SPIDR: variants seen among roughly 807,000 people sequenced by gnomAD.
SPIDR encodes DNA repair-scaffolding protein.
In SPIDR, 93 loss-of-function variants were observed where a neutral mutation model predicts 104.6. That is an observed-to-expected ratio of 0.89 (90% CI 0.75 to 1.06). The LOEUF (loss-of-function observed/expected upper bound fraction) is 1.06. SPIDR is among the 50% of genes least tolerant of loss of function. SPIDR has a pLI of 0.00. For missense variants in SPIDR, 1,154 were observed against 1,111.2 expected (o/e 1.04, Z -0.55); for synonymous variants, 431 against 416.9 (o/e 1.03, Z -0.41).
chr8:47,304,061 C>T (rs2042714110), intron 5 of SPIDR, among the ~76,000 whole-genome samples: 2 of 152,140 alleles, frequency 1.3e-5, no homozygotes, highest in African/African-American at 4.8e-5. Context: ...ACTTTTTATT[C>T]TTGTCTGGGT....
chr8:47,290,354 A>T (rs1354878783), intron 3 of SPIDR, among the ~76,000 whole-genome samples: 5 of 152,140 alleles, frequency 3.3e-5, no homozygotes, highest in African/African-American at 4.8e-5. Context: ...GGGCCAGGAG[A>T]TGGTGTAGCT....
intron 5 of SPIDR, among the ~76,000 whole-genome samples, chr8:47,349,472 C>G (rs1554620783): frequency 6.6e-6 from 1 of 152,158 alleles, no homozygotes; most frequent in Non-Finnish European, 1.5e-5. Flanking sequence ...ATCTCAAACT[C>G]CATTCTAGGA....
chr8:47,522,000 C>A (rs1257960062), intron 8 of SPIDR, among the ~76,000 whole-genome samples: 2 of 151,300 alleles, frequency 1.3e-5, no homozygotes, highest in Admixed American at 6.6e-5. Flanking sequence ...CCCGTGTCTA[C>A]TAAAAATACA....
At chr8:47,327,895 G>A (rs1350953657) in intron 5 of SPIDR, among the ~76,000 whole-genome samples, 4 of 151,434 alleles carry the variant, frequency 2.6e-5, no homozygotes, top group Admixed American at 6.6e-5. Context: ...ATAGGGTTTC[G>A]CCATGTTGCT....
chr8:47,624,305 C>T (rs2065650341), intron 10 of SPIDR, among the ~76,000 whole-genome samples: 1 of 151,946 alleles, frequency 6.6e-6, no homozygotes, highest in Non-Finnish European at 1.5e-5. Flanking sequence ...AAATTGACAC[C>T]CTAACATCAC....
intron 1 of SPIDR, among the ~76,000 whole-genome samples, chr8:47,264,869 A>G (rs2033555961): frequency 6.6e-6 from 1 of 152,192 alleles, no homozygotes; most frequent in Non-Finnish European, 1.5e-5. Flanking sequence ...ATAAACACTC[A>G]ATAAATGTTG....
intron 8 of SPIDR, chr8:47,510,906 G>C: frequency 3.8e-6 from 2 of 531,494 alleles, no homozygotes; most frequent in Non-Finnish European, 6.7e-6. Flanking sequence ...TAAGAACCTA[G>C]AGCTGTGGAG....
chr8:47,721,669 G>T (rs372619025), intron 16 of SPIDR, among the ~76,000 whole-genome samples: 48 of 152,086 alleles, frequency 3.2e-4, no homozygotes, highest in African/African-American at 1.1e-3. Flanking sequence ...TAGAGACGGG[G>T]TTTCACCATG....
intron 5 of SPIDR, among the ~76,000 whole-genome samples, chr8:47,381,786 C>T (rs1393277693): frequency 6.6e-6 from 1 of 152,206 alleles, no homozygotes; most frequent in Non-Finnish European, 1.5e-5. Context: ...AGAGCCGCCC[C>T]GTGGCACGCC....
chr8:47,479,889 A>G (rs951644233), intron 8 of SPIDR, among the ~76,000 whole-genome samples: 1 of 152,228 alleles, frequency 6.6e-6, no homozygotes, highest in Non-Finnish European at 1.5e-5. Context: ...TGTGAGAACT[A>G]CAATAGCTTC....
At chr8:47,726,675 G>GGT (rs1297260852) in intron 16 of SPIDR, among the ~76,000 whole-genome samples, 1 of 152,166 alleles carries the variant, frequency 6.6e-6, no homozygotes, top group African/African-American at 2.4e-5. Context: ...GATGCCCAGA[G>GGT]GTGTCTTTGA....
intron 8 of SPIDR, among the ~76,000 whole-genome samples, chr8:47,541,887 C>T (rs764344213): frequency 1.2e-4 from 19 of 152,070 alleles, no homozygotes; most frequent in African/African-American, 1.9e-4. Flanking sequence ...GCCGAGATTG[C>T]GCCACTGCAC....
intron 5 of SPIDR, among the ~76,000 whole-genome samples, chr8:47,350,037 C>G (rs1213474409): frequency 1.3e-5 from 2 of 152,216 alleles, no homozygotes; most frequent in Non-Finnish European, 2.9e-5. Context: ...GCAGAAATCA[C>G]CCGTCTTCTG....
At position 47,729,470 on chromosome 8, in the gene SPIDR, G is replaced by C; in HGVS notation, c.2604+5G>C. 1 of 1,594,898 alleles carries C rather than the reference G, an allele frequency of 6.3e-7. No individual in the cohort carries two copies. Among genetic ancestry groups the C allele is most frequent in the Non-Finnish European group, 8.5e-7 (1 of 1,171,922 alleles). ...TTTGCCGCCGGTGAAGATGGGGTAA[G>C]TGCAGGGGGCCCAGCCCAGGGGGCC... is the stretch of plus-strand genomic sequence containing the variant. On this transcript the variant is annotated splice_donor_5th_base_variant and intron_variant, in intron 19 of 19. Coordinates refer to ENST00000297423, the MANE Select transcript of SPIDR (RefSeq NM_001080394.4).
At chr8:47,484,234 A>G (rs1240050550) in intron 8 of SPIDR, among the ~76,000 whole-genome samples, 5 of 152,274 alleles carry the variant, frequency 3.3e-5, no homozygotes, top group African/African-American at 1.2e-4. Flanking sequence ...GGAACCCAAT[A>G]GAAGCAATCA....
At position 47,322,944 on chromosome 8, in the gene SPIDR, G is replaced by T. The variant is rs576719604; in HGVS notation, c.525+28914G>T. Among the ~76,000 whole-genome samples the T allele has an allele frequency of 2.3e-3, 343 of 152,198 alleles. 5 individuals carry two copies. Among genetic ancestry groups the T allele is most frequent in the Non-Finnish European group, 4.1e-4 (28 of 68,012 alleles). The stretch of plus-strand genomic sequence containing the variant: ...CATACGCCGGGGCCTGTTGTCGGGT[G>T]GGGGCAGGGTGGAGGGATAGCATTA... On this transcript the variant is annotated intron_variant, in intron 5 of 19. Coordinates refer to ENST00000297423, the MANE Select transcript of SPIDR (RefSeq NM_001080394.4).
At chr8:47,404,131 G>A (rs1554665660) in intron 6 of SPIDR, among the ~76,000 whole-genome samples, 1 of 152,170 alleles carries the variant, frequency 6.6e-6, no homozygotes, top group East Asian at 1.9e-4. Flanking sequence ...ATGGTGCTGG[G>A]AAAACTGGCC....
chr8:47,699,448 TA>T (rs1279502739), intron 11 of SPIDR, among the ~76,000 whole-genome samples: 1 of 152,182 alleles, frequency 6.6e-6, no homozygotes, highest in Non-Finnish European at 1.5e-5. Flanking sequence ...GGGGCTCAGG[TA>T]AAGGTTAGAG....
chr8:47,411,042 CT>C (rs2063456686), intron 7 of SPIDR, among the ~76,000 whole-genome samples: 1 of 152,202 alleles, frequency 6.6e-6, no homozygotes, highest in Non-Finnish European at 1.5e-5. Context: ...GCCACATTTT[CT>C]TAATCCAGTC....
Sources: allele counts gnomAD v4.1 joint callset (sites outside exome capture counted in the v4.1 genomes callset), GRCh38; gene constraint gnomAD v4.1.1; transcripts MANE v1.5; gene names NCBI Gene and HGNC (gene_info 2026-07-23, HGNC 2026-07-21).